JAKMIP2: variants seen among roughly 807,000 people sequenced by gnomAD.
JAKMIP2 encodes the protein janus kinase and microtubule interacting protein 2, also known as janus kinase and microtubule-interacting protein 2.
JAKMIP2 carries 25 observed loss-of-function variants against 115.0 expected under a neutral mutation model. The observed-to-expected ratio is 0.22, with a 90% CI of 0.16 to 0.30. JAKMIP2 has a LOEUF of 0.30. Among genes scored for constraint, JAKMIP2 ranks in the 10% least tolerant of loss-of-function variants. The probability of loss-of-function intolerance (pLI) is 1.00; values close to 1 mark genes in which losing one functional copy is unlikely to be tolerated. For synonymous variants in JAKMIP2, 334 were observed against 343.6 expected, an observed-to-expected ratio of 0.97 and a Z score of 0.31; for missense variants, 642 against 957.6, an observed-to-expected ratio of 0.67 and a Z score of 4.35.
At chr5:147,742,258 C>T (rs1754178953) in intron 1 of JAKMIP2, among the ~76,000 whole-genome samples, 2 of 151,044 alleles carry the variant, frequency 1.3e-5, no homozygotes, top group African/African-American at 4.9e-5. Context: ...TGAGCTGTCA[C>T]AAAATCCCTG....
At chr5:147,605,737 T>C (rs1229360021) in intron 20 of JAKMIP2, among the ~76,000 whole-genome samples, 8 of 152,198 alleles carry the variant, frequency 5.3e-5, no homozygotes, top group African/African-American at 7.2e-5. Flanking sequence ...TTTCTAGTTC[T>C]AGATCCTTGA....
intron 5 of JAKMIP2, among the ~76,000 whole-genome samples, chr5:147,645,450 G>T (rs1460742873): frequency 2.0e-5 from 3 of 152,110 alleles, no homozygotes; most frequent in Non-Finnish European, 4.4e-5. Context: ...ATGTCCAAAG[G>T]TCATTCTTTC....
intron 1 of JAKMIP2, among the ~76,000 whole-genome samples, chr5:147,720,290 T>C (rs909432131): frequency 6.6e-6 from 1 of 151,758 alleles, no homozygotes; most frequent in Non-Finnish European, 1.5e-5. Flanking sequence ...CATTTTTTCC[T>C]TCATTTCAAC....
chr5:147,782,428 G>A, intron 1 of JAKMIP2, 28 bp downstream of exon 1: 1 of 1,535,470 alleles, frequency 6.5e-7, no homozygotes, highest in Admixed American at 2.0e-5. Context: ...TCTAAACCAA[G>A]AAGGGAGCCC....
chr5:147,764,780 G>A (rs1755052188), intron 1 of JAKMIP2, among the ~76,000 whole-genome samples: 1 of 151,100 alleles, frequency 6.6e-6, no homozygotes, highest in Admixed American at 6.6e-5. Context: ...CAGCTATTCA[G>A]GAGGCTGAGG....
rs116051837 is a variant in JAKMIP2, at chr5:147,678,448, C to T, written c.-148-6494G>A. Among the ~76,000 whole-genome samples, 549 of 152,286 alleles carry T rather than the reference C, an allele frequency of 3.6e-3. 3 individuals carry two copies. The highest frequency in any genetic ancestry group is 0.012 in the African/African-American group (509 of 41,558). On this transcript the variant is annotated intron_variant, in intron 1 of 21. Coordinates refer to ENST00000616793, the MANE Select transcript of JAKMIP2 (RefSeq NM_001270941.2). ...TAATATAATGTCCTCTGGGTCCATC[C>T]ATGTCACAAATGAAAATTTTCTTTG... is the stretch of plus-strand genomic sequence containing the variant.
chr5:147,626,264 A>G (rs947501349), intron 16 of JAKMIP2, among the ~76,000 whole-genome samples: 1 of 152,250 alleles, frequency 6.6e-6, no homozygotes, highest in African/African-American at 2.4e-5. Context: ...TGTCTTGTTC[A>G]TCTGGTTCCT....
At chr5:147,684,535 G>A (rs1760478980) in intron 1 of JAKMIP2, among the ~76,000 whole-genome samples, 1 of 152,150 alleles carries the variant, frequency 6.6e-6, no homozygotes, top group Admixed American at 6.6e-5. Context: ...AAGTTAAAAA[G>A]GTAGGACAAG....
chr5:147,618,656 G>A (rs771346400), intron 18 of JAKMIP2, among the ~76,000 whole-genome samples: 7 of 152,112 alleles, frequency 4.6e-5, no homozygotes, highest in Non-Finnish European at 8.8e-5. Flanking sequence ...AAGAATCACT[G>A]GAACCCGAGA....
chr5:147,677,815 T>C (rs879587703), intron 1 of JAKMIP2, among the ~76,000 whole-genome samples: 7 of 152,178 alleles, frequency 4.6e-5, no homozygotes, highest in Admixed American at 1.3e-4. Flanking sequence ...CTCACATACT[T>C]TTTTTGTGGT....
chr5:147,591,492 G>T lies in JAKMIP2; in HGVS notation c.*215C>A, dbSNP rs976924864. 2.5e-5 allele frequency: 16 copies of T among 642,076 alleles called. No individual in the cohort carries two copies. The highest frequency in any genetic ancestry group is 3.9e-5 in the Non-Finnish European group (14 of 358,082). 39.8% of individuals were successfully genotyped at this position (642,076 alleles called of 1,614,324 possible). A position where few individuals can be genotyped will look rare whatever the true frequency, so the allele number is the denominator to read the frequency against. On this transcript the variant is annotated 3_prime_UTR_variant, in exon 22 of 22. Transcript: ENST00000616793. ...TTCATTAAATGCAGCATATATTGTA[G>T]ATTTTCAACAGGGTTGTGTAGGAAC... is the stretch of plus-strand genomic sequence containing the variant.
At chr5:147,652,840 CT>C (rs1288867605) in intron 3 of JAKMIP2, among the ~76,000 whole-genome samples, 1 of 152,072 alleles carries the variant, frequency 6.6e-6, no homozygotes, top group Non-Finnish European at 1.5e-5. Context: ...GGTGTTTGTC[CT>C]AATGCTCTCC....
chr5:147,655,599 T>G (rs1192566683), intron 3 of JAKMIP2, among the ~76,000 whole-genome samples: 2 of 152,290 alleles, frequency 1.3e-5, no homozygotes, highest in Non-Finnish European at 2.9e-5. Flanking sequence ...TTTTTCTTTA[T>G]TAGTCTAGTT....
intron 1 of JAKMIP2, among the ~76,000 whole-genome samples, chr5:147,761,182 C>T (rs956891073): frequency 1.3e-5 from 2 of 152,058 alleles, no homozygotes; most frequent in Non-Finnish European, 2.9e-5. Flanking sequence ...ACAAGAAAAG[C>T]ACTGAAAATA....
intron 19 of JAKMIP2, among the ~76,000 whole-genome samples, chr5:147,613,922 G>A (rs144501003): frequency 6.6e-6 from 1 of 152,246 alleles, no homozygotes; most frequent in East Asian, 1.9e-4. Context: ...AATGTTGATG[G>A]TGTGTTTATA....
chr5:147,592,807 A>G (rs1404796783), intron 21 of JAKMIP2, among the ~76,000 whole-genome samples: 1 of 152,188 alleles, frequency 6.6e-6, no homozygotes, highest in Non-Finnish European at 1.5e-5. Flanking sequence ...AAAGTGGAGG[A>G]AAAGGAGGCA....
intron 1 of JAKMIP2, among the ~76,000 whole-genome samples, chr5:147,691,376 C>T (rs1307698733): frequency 6.6e-6 from 1 of 152,138 alleles, no homozygotes; most frequent in Non-Finnish European, 1.5e-5. Flanking sequence ...CCTTCTGTTA[C>T]TGTGAAGTAA....
chr5:147,691,938 G>T (rs1751877939), intron 1 of JAKMIP2, among the ~76,000 whole-genome samples: 1 of 151,894 alleles, frequency 6.6e-6, no homozygotes, highest in Admixed American at 6.6e-5. Context: ...CTGTTTCGGA[G>T]ACTTTACCTG....
chr5:147,597,988 T>A (rs1315098839), intron 21 of JAKMIP2, among the ~76,000 whole-genome samples: 4 of 48,592 alleles, frequency 8.2e-5, no homozygotes, highest in Non-Finnish European at 1.6e-4. Context: ...TGGGTCTTCT[T>A]ATTCCTTTTT....
Sources: gnomAD v4.1 joint callset for allele counts (sites outside exome capture counted in the v4.1 genomes callset) on GRCh38, gnomAD v4.1.1 for gene constraint, MANE v1.5 for transcripts, NCBI Gene and HGNC (gene_info 2026-07-23, HGNC 2026-07-21) for gene names.